PPM1G: variants seen among roughly 807,000 people sequenced by gnomAD.
PPM1G encodes the protein protein phosphatase, Mg2+/Mn2+ dependent 1G, also known as protein phosphatase 1G.
PPM1G carries 12 observed loss-of-function variants against 59.4 expected under a neutral mutation model. The observed-to-expected ratio is 0.20, with a 90% CI of 0.13 to 0.33. The LOEUF (loss-of-function observed/expected upper bound fraction) is 0.33, where lower values mean the gene tolerates loss of function less well. Ranked by LOEUF, PPM1G falls within the 10% of genes least tolerant of loss-of-function variation. The pLI, the probability that PPM1G is intolerant of heterozygous loss-of-function variation, is 1.00. For synonymous variants in PPM1G, 245 were observed against 251.9 expected, an observed-to-expected ratio of 0.97 and a Z score of 0.26; for missense variants, 392 against 681.3, an observed-to-expected ratio of 0.58 and a Z score of 4.73.
rs183136029 is a variant in PPM1G at position 27,405,715 on chromosome 2, T to C, written c.120+3588A>G. Among the ~76,000 whole-genome samples the C allele has an allele frequency of 1.4e-3, 215 of 152,034 alleles. 4 individuals are homozygous for C. Among genetic ancestry groups the C allele is most frequent in the Admixed American group, 0.011 (175 of 15,282 alleles). On this transcript the variant is annotated intron_variant, in intron 1 of 9. Coordinates refer to ENST00000344034, the MANE Select transcript of PPM1G (RefSeq NM_177983.3). Reference sequence around the variant, plus strand: ...TGGCCTGTGGTATTTTGATTACCTTTTCTCAAAACACCCTGGTTGCTGGGC... The same window carrying C: ...TGGCCTGTGGTATTTTGATTACCTTCTCTCAAAACACCCTGGTTGCTGGGC...
chr2:27,384,907 C>T lies in PPM1G; in HGVS notation c.591G>A (p.Arg197=). 1 of 1,614,148 alleles carries T rather than the reference C, an allele frequency of 6.2e-7. No homozygotes were observed. Among genetic ancestry groups the T allele is most frequent in the Non-Finnish European group, 8.5e-7 (1 of 1,180,026 alleles). The change falls in exon 5 of 10, where the codon AGG becomes AGA. Residue 197 remains arginine (R), a synonymous_variant. Transcript: ENST00000344034. The surrounding 1 kb of genome is among the most constrained non-coding windows in gnomAD (Gnocchi z 4.8). ...NGEAGPEDST[R]ETPSQENGPT... ...GGCCATTTTCTTGTGAAGGAGTTTC[C>T]CTAGTTGAGTCCTCAGGTCCTGCCT...
In PPM1G at chr2:27,409,467, G is replaced by T; in HGVS notation, c.-45C>A. 2 of 1,443,954 alleles carry T rather than the reference G, an allele frequency of 1.4e-6. No individual in the cohort carries two copies. The highest frequency in any genetic ancestry group is 2.8e-5 in the South Asian group (2 of 70,940). 89.4% of individuals were successfully genotyped at this position (1,443,954 alleles called of 1,614,324 possible). ...CCTCAGGTGCAGGAAAGCTGGGCGC[G>T]ACCCGTGCCGGAGCCGAAGCCCCGG... On this transcript the variant is annotated 5_prime_UTR_variant, in exon 1 of 10. Coordinates refer to ENST00000344034, the MANE Select transcript of PPM1G (RefSeq NM_177983.3).
intron 1 of PPM1G, among the ~76,000 whole-genome samples, chr2:27,406,710 G>A (rs990147287): frequency 3.9e-5 from 6 of 152,106 alleles, no homozygotes; most frequent in Admixed American, 3.3e-4. Flanking sequence ...GCAAACCAAC[G>A]TGAAACACTG....
At position 27,383,345 on chromosome 2, in the gene PPM1G, T is replaced by A; in HGVS notation, c.1201+21A>T. 2.5e-6 allele frequency: 4 copies of A among 1,606,106 alleles called. No homozygotes were observed. The Middle Eastern group carries it at 6.6e-4, about 265-fold the overall frequency. Reference sequence around the variant, plus strand: ...CAGAGAGAAAGACCCTAGAAGTCTTTCCCAGTTTCTTGGCCCTTACCAATG... The same window carrying A: ...CAGAGAGAAAGACCCTAGAAGTCTTACCCAGTTTCTTGGCCCTTACCAATG... On this transcript the variant is annotated intron_variant, in intron 7 of 9. Transcript: ENST00000344034. This position sits in a 1 kb window ranked among gnomAD's most constrained non-coding sequence, Gnocchi z 5.0.
intron 1 of PPM1G, among the ~76,000 whole-genome samples, chr2:27,400,467 T>C (rs1436123897): frequency 6.7e-6 from 1 of 150,308 alleles, no homozygotes; most frequent in Non-Finnish European, 1.5e-5. Context: ...AACTGAAAAA[T>C]ATCAGGCTGG....
chr2:27,398,355 C>A (rs571395688), intron 1 of PPM1G, among the ~76,000 whole-genome samples: 1 of 152,282 alleles, frequency 6.6e-6, no homozygotes, highest in African/African-American at 2.4e-5. Context: ...CACAAAAATT[C>A]ACTCAAAATG....
At chr2:27,391,731 T>C (rs888678055) in intron 1 of PPM1G, among the ~76,000 whole-genome samples, 2 of 151,698 alleles carry the variant, frequency 1.3e-5, no homozygotes, top group Admixed American at 1.3e-4. Flanking sequence ...GTTCTTTTTT[T>C]CTTTCTTTTT....
chr2:27,405,759 T>C (rs763781840), intron 1 of PPM1G, among the ~76,000 whole-genome samples: 5 of 151,714 alleles, frequency 3.3e-5, no homozygotes, highest in Non-Finnish European at 7.4e-5. Flanking sequence ...TCACAGCATT[T>C]TGGGAGGCAG....
intron 1 of PPM1G, among the ~76,000 whole-genome samples, chr2:27,401,532 A>G (rs1471019706): frequency 6.6e-6 from 1 of 152,234 alleles, no homozygotes; most frequent in African/African-American, 2.4e-5. Flanking sequence ...CTGTTTGAAT[A>G]CACTACAAAA....
chr2:27,402,259 GA>G (rs1196123847), intron 1 of PPM1G, among the ~76,000 whole-genome samples: 2 of 152,122 alleles, frequency 1.3e-5, no homozygotes, highest in African/African-American at 4.8e-5. Context: ...TTTGTTTCCA[GA>G]TAATACAATG....
chr2:27,383,805 C>G lies in PPM1G; in HGVS notation c.966+147G>C, dbSNP rs1683698095. On this transcript the variant is annotated intron_variant, in intron 6 of 9. Transcript: ENST00000344034. The surrounding 1 kb of genome is among the most constrained non-coding windows in gnomAD (Gnocchi z 5.0). ...AGATAATTCAACCCCAAAGGCTTAC[C>G]ATCTCATTCCCCTTGCAGAATAAAT... is the stretch of plus-strand genomic sequence containing the variant. The G allele has an allele frequency of 7.7e-7, 1 of 1,302,724 alleles. No homozygotes were observed. The highest frequency in any genetic ancestry group is 1.0e-6 in the Non-Finnish European group (1 of 955,850). The allele number at this position is 1,302,724 out of a possible 1,614,324, so 80.7% of individuals were successfully genotyped here.
At position 27,409,366 on chromosome 2, in the gene PPM1G, G is replaced by A; in HGVS notation, c.57C>T (p.Gly19=). 1 of 1,541,498 alleles carries A rather than the reference G, an allele frequency of 6.5e-7. No individual in the cohort carries two copies. Residue 19 remains glycine, a synonymous_variant, in exon 1 of 10, where the codon GGC becomes GGT. Coordinates refer to ENST00000344034, the MANE Select transcript of PPM1G (RefSeq NM_177983.3). ...NTVKCSGDGV[G]APRLPLPYGF... ...CGTAGGGCAGCGGCAGGCGCGGGGC[G>A]CCGACCCCGTCCCCGGAGCACTTCA...
chr2:27,387,057 AG>A (rs768826018), intron 2 of PPM1G, 31 bp downstream of exon 2: 8 of 1,554,498 alleles, frequency 5.1e-6, no homozygotes, highest in Middle Eastern at 1.7e-4. Flanking sequence ...TTGGGGTCCT[AG>A]AATGTTACCA....
chr2:27,398,982 T>C lies in PPM1G; in HGVS notation c.120+10321A>G, dbSNP rs1481895381. On this transcript the variant is annotated intron_variant, in intron 1 of 9. Transcript: ENST00000344034. ...CAACATGGTGAAACCCGGTCTCTAC[T>C]AAAAATAAAAAATTAGCTGGGAGTG... Among the ~76,000 whole-genome samples, 4 of 150,706 alleles carry C rather than the reference T, an allele frequency of 2.7e-5. No homozygotes were observed. In the East Asian group the frequency reaches 7.9e-4, roughly 30 times the overall value.
rs1004525697 is a variant in PPM1G, at chr2:27,393,307, TGGC to T, written c.121-6152_121-6150del. On this transcript the variant is annotated intron_variant, in intron 1 of 9. Transcript: ENST00000344034. ...AGCTCCAGGTTGATCTGGCGGTTGATGGCGGCCTCTGAGTCTTGGTGGTAGTTC... is the reference window on the plus strand; with the variant it reads ...AGCTCCAGGTTGATCTGGCGGTTGATGGCCTCTGAGTCTTGGTGGTAGTTC... 24 of 1,597,662 alleles carry T rather than the reference TGGC, an allele frequency of 1.5e-5. No homozygotes were observed. In the African/African-American group the frequency reaches 2.9e-4, roughly 20 times the overall value.
rs189542345 is a variant in PPM1G, at chr2:27,385,850, G to A, written c.306C>T (p.Asp102=). 2.4e-5 allele frequency: 39 copies of A among 1,613,730 alleles called. No homozygotes were observed. In the Middle Eastern group the frequency reaches 4.9e-4, roughly 20 times the overall value. The change falls in exon 4 of 10, where the codon GAC becomes GAT. Residue 102 remains aspartate, a synonymous_variant. Coordinates refer to ENST00000344034, the MANE Select transcript of PPM1G (RefSeq NM_177983.3). The surrounding 1 kb of genome is among the most constrained non-coding windows in gnomAD (Gnocchi z 4.1). ...TGACTTCTTCAGTGGTCAATTTGGCGTCAATAGCCAAGAAGGCATCTTCTA... is the reference window on the plus strand; with the variant it reads ...TGACTTCTTCAGTGGTCAATTTGGCATCAATAGCCAAGAAGGCATCTTCTA... The part of the protein sequence containing the change: ...KALEDAFLAI[D]AKLTTEEVIK...
At chr2:27,405,224 C>T (rs1033164866) in intron 1 of PPM1G, among the ~76,000 whole-genome samples, 3 of 151,710 alleles carry the variant, frequency 2.0e-5, no homozygotes, top group African/African-American at 2.4e-5. Flanking sequence ...CAGGCGTGCG[C>T]CACCATGCCC....
chr2:27,385,847 G>C lies in PPM1G; in HGVS notation c.309C>G (p.Ala103=). The C allele has an allele frequency of 6.2e-7, 1 of 1,613,778 alleles. No homozygotes were observed. The highest frequency in any genetic ancestry group is 8.5e-7 in the Non-Finnish European group (1 of 1,179,976). The part of the protein sequence containing the change: ...ALEDAFLAID[A]KLTTEEVIKE... ...TAATGACTTCTTCAGTGGTCAATTT[G>C]GCGTCAATAGCCAAGAAGGCATCTT... is the stretch of plus-strand genomic sequence containing the variant. The change falls in exon 4 of 10, where the codon GCC becomes GCG. Residue 103 remains alanine, a synonymous_variant. Transcript: ENST00000344034. The surrounding 1 kb of genome is among the most constrained non-coding windows in gnomAD (Gnocchi z 4.1).
chr2:27,406,033 A>G (rs1663353762), intron 1 of PPM1G, among the ~76,000 whole-genome samples: 1 of 152,076 alleles, frequency 6.6e-6, no homozygotes. Context: ...ACAAACAACA[A>G]CAACACCCTG....
Sources: gnomAD v4.1 joint callset for allele counts (sites outside exome capture counted in the v4.1 genomes callset) on GRCh38, gnomAD v4.1.1 for gene constraint, Gnocchi (gnomAD v3.1) non-coding constraint, MANE v1.5 for transcripts, NCBI Gene and HGNC (gene_info 2026-07-23, HGNC 2026-07-21) for gene names.